The following RTL9 variants were observed in gnomAD, a reference collection of about 807,000 sequenced individuals.
The protein encoded by RTL9 is retrotransposon Gag like 9.
In RTL9, 19 loss-of-function variants were observed where a neutral mutation model predicts 44.7. The observed-to-expected ratio is 0.42, with a 90% CI of 0.30 to 0.62. RTL9 has a LOEUF of 0.62. Ranked by LOEUF, RTL9 falls within the 20% of genes least tolerant of loss-of-function variation. RTL9 has a pLI of 0.16. For missense variants in RTL9, 1,105 were observed against 1,080.6 expected (o/e 1.02, Z -0.32); for synonymous variants, 407 against 398.9 (o/e 1.02, Z -0.24).
upstream of RTL9, among the ~76,000 whole-genome samples, chrX:110,447,111 CTTTTT>C (rs1181988453): frequency 2.7e-5 from 1 of 36,827 alleles, no homozygotes; most frequent in Non-Finnish European, 4.4e-5. Flanking sequence ...TATTCTGTGA[CTTTTT>C]TTTTTTTTTT....
intron 1 of RTL9, among the ~76,000 whole-genome samples, chrX:110,361,812 A>G (rs2068265344): frequency 8.9e-6 from 1 of 112,344 alleles, no homozygotes; most frequent in African/African-American, 3.2e-5. Flanking sequence ...CTTTTTCTGT[A>G]AAGGTCCAGA....
rs142208020 is a variant in RTL9, at chrX:110,367,276, A to G, written c.-168+8360A>G. On this transcript the variant is annotated intron_variant, in intron 1 of 2. Transcript: ENST00000520821. ...CCCATTTCTCTCCTCCTCAGAGCAA[A>G]AATTCTGGAATGAGTTGTCTCTGCT... Among the ~76,000 whole-genome samples, 265 of 111,751 alleles carry G rather than the reference A, an allele frequency of 2.4e-3. 1 individual carries two copies. Among genetic ancestry groups the G allele is most frequent in the Middle Eastern group, 4.6e-3 (1 of 217 alleles).
intron 1 of RTL9, among the ~76,000 whole-genome samples, chrX:110,366,240 G>A (rs1180989375): frequency 8.9e-6 from 1 of 111,964 alleles, no homozygotes; most frequent in Admixed American, 9.5e-5. Context: ...GATGTTGATA[G>A]TATTACATAA....
intron 1 of RTL9, among the ~76,000 whole-genome samples, chrX:110,384,134 C>T (rs189407040): frequency 6.1e-4 from 68 of 111,468 alleles, no homozygotes; most frequent in Non-Finnish European, 1.2e-3. Context: ...ACTATTATAG[C>T]ATTACTTAAC....
At chrX:110,436,678 A>G (rs1020104443) in intron 1 of RTL9, among the ~76,000 whole-genome samples, 5 of 111,699 alleles carry the variant, frequency 4.5e-5, no homozygotes, top group African/African-American at 1.6e-4. Flanking sequence ...TGGACTCTGT[A>G]TCCCCAGGAG....
chrX:110,408,738 C>A (rs921508430), intron 1 of RTL9, among the ~76,000 whole-genome samples: 2 of 112,042 alleles, frequency 1.8e-5, no homozygotes, highest in African/African-American at 6.5e-5. Context: ...CTGTTGCATT[C>A]ATGGGGATTC....
chrX:110,398,885 A>G (rs1480514528), intron 1 of RTL9, among the ~76,000 whole-genome samples: 2 of 112,426 alleles, frequency 1.8e-5, no homozygotes, highest in African/African-American at 6.5e-5. Context: ...ATTGAGCAGT[A>G]GAGGCTGTTT....
intron 1 of RTL9, among the ~76,000 whole-genome samples, chrX:110,386,353 T>A (rs186859567): frequency 4.3e-4 from 47 of 109,971 alleles, no homozygotes; most frequent in African/African-American, 1.5e-3. Context: ...TTATTTTATT[T>A]TTTATTTATT....
Position 110,409,187 on chromosome X carries a change from G to T in RTL9, c.-167-35966G>T, listed in dbSNP as rs183538674. ...GTATATAAAACTGGCAGGAGATGGG[G>T]ACTTTTTTTTTTGAGACGGGGACTT... is the stretch of plus-strand genomic sequence containing the variant. On this transcript the variant is annotated intron_variant, in intron 1 of 2. Coordinates refer to the RTL9 transcript ENST00000520821. Among the ~76,000 whole-genome samples the T allele has an allele frequency of 2.8e-4, 31 of 110,958 alleles. No individual in the cohort carries two copies. The East Asian group carries it at 7.9e-3, about 28-fold the overall frequency.
chrX:110,449,445 G>A (rs1254407055), upstream of RTL9, among the ~76,000 whole-genome samples: 1 of 112,638 alleles, frequency 8.9e-6, no homozygotes, highest in Non-Finnish European at 1.9e-5. Flanking sequence ...AAAGTAGCAA[G>A]TTTTCTGCTT....
chrX:110,395,621 A>G (rs934692379), intron 1 of RTL9, among the ~76,000 whole-genome samples: 1 of 112,391 alleles, frequency 8.9e-6, no homozygotes, highest in Non-Finnish European at 1.9e-5. Context: ...AACTTTTGAG[A>G]CAACCTTTTT....
At position 110,451,211 on chromosome X, in the gene RTL9, A is replaced by G. The variant is rs761573620; in HGVS notation, c.594A>G (p.Pro198=). The stretch of plus-strand genomic sequence containing the variant: ...TGTCCACACCATTAATGCTAGCCCC[A>G]GATTCTGGAGAGTTATCCCCAATTC... Residue 198 remains proline (P), a synonymous_variant, in exon 1 of 2, where the codon CCA becomes CCG. Transcript: ENST00000540313. 3 of 1,211,729 alleles carry G rather than the reference A, an allele frequency of 2.5e-6. No homozygotes were observed. In the Admixed American group the frequency reaches 6.5e-5, roughly 26 times the overall value.
Position 110,362,766 on chromosome X carries a change from T to C in RTL9, c.-168+3850T>C, listed in dbSNP as rs765843147. 1.6e-4 allele frequency among the ~76,000 whole-genome samples: 18 copies of C among 112,269 alleles called. No homozygotes were observed. In the East Asian group the frequency reaches 4.7e-3, roughly 30 times the overall value. On this transcript the variant is annotated intron_variant, in intron 1 of 2. Coordinates refer to the RTL9 transcript ENST00000520821. ...TATCCTGTAGTTATATGACTTCCTA[T>C]TGAAAATGCACTTTCACTCATTCAT...
chrX:110,370,079 A>T (rs1290673914), intron 1 of RTL9, among the ~76,000 whole-genome samples: 1 of 111,459 alleles, frequency 9.0e-6, no homozygotes, highest in Non-Finnish European at 1.9e-5. Flanking sequence ...TCCTAATTCC[A>T]CTGTTTGGAG....
intron 1 of RTL9, among the ~76,000 whole-genome samples, chrX:110,381,333 T>C (rs1170816053): frequency 8.9e-6 from 1 of 111,966 alleles, no homozygotes; most frequent in African/African-American, 3.2e-5. Context: ...ATGCTCATCA[T>C]TACTAATCAT....
chrX:110,373,319 G>A (rs1337083371), intron 1 of RTL9, among the ~76,000 whole-genome samples: 5 of 111,748 alleles, frequency 4.5e-5, no homozygotes, highest in Non-Finnish European at 7.5e-5. Context: ...TTAAACCTGA[G>A]CTGCACACTA....
At chrX:110,384,752 T>C (rs1374600137) in intron 1 of RTL9, among the ~76,000 whole-genome samples, 1 of 110,931 alleles carries the variant, frequency 9.0e-6, no homozygotes, top group African/African-American at 3.3e-5. Flanking sequence ...TGTAAGGATT[T>C]GCCCGAACCC....
At chrX:110,378,998 G>C (rs1432322744) in intron 1 of RTL9, among the ~76,000 whole-genome samples, 1 of 111,874 alleles carries the variant, frequency 8.9e-6, no homozygotes. Context: ...AGCAAGCACA[G>C]CTTCTCCATG....
exon 1 of RTL9, chrX:110,454,267 C>T (rs757279636): frequency 8.3e-7 from 1 of 1,211,939 alleles, no homozygotes; most frequent in Non-Finnish European, 1.1e-6. Context: ...GAAAATAAAT[C>T]TTTCCTGAGA....
Sources: allele counts gnomAD v4.1 joint callset (sites outside exome capture counted in the v4.1 genomes callset), GRCh38; gene constraint gnomAD v4.1.1; transcripts MANE v1.5; gene names NCBI Gene and HGNC (gene_info 2026-07-23, HGNC 2026-07-21).